The following FXYD7 variants were observed in gnomAD, a reference collection of about 807,000 sequenced individuals.
FXYD7 encodes the protein FXYD domain-containing ion transport regulator 7.
In FXYD7, 7 loss-of-function variants were observed where a neutral mutation model predicts 15.3. The observed-to-expected ratio is 0.46, with a 90% confidence interval of 0.26 to 0.86. FXYD7 has a LOEUF of 0.86. Among genes scored for constraint, FXYD7 ranks in the 40% least tolerant of loss-of-function variants. FXYD7 has a pLI of 0.16. For missense variants in FXYD7, 78 were observed against 100.6 expected (o/e 0.78, Z 0.96); for synonymous variants, 39 against 39.3 (o/e 0.99, Z 0.03).
chr19:35,148,587 CA>C (rs2145396830), intron 1 of FXYD7, 106 bp from the exon 2 acceptor site: 1 of 965,664 alleles, frequency 1.0e-6, no homozygotes, highest in East Asian at 2.7e-5. Context: ...CTGACTTCCA[CA>C]AAGAAATGAT....
At chr19:35,153,142 C>T (rs947747032) in intron 5 of FXYD7, among the ~76,000 whole-genome samples, 1 of 146,408 alleles carries the variant, frequency 6.8e-6, no homozygotes, top group African/African-American at 2.5e-5. Flanking sequence ...ACACTGCAAC[C>T]TCTGCGTCCT....
At chr19:35,148,928 G>T in intron 2 of FXYD7, 1 of 700,736 alleles carries the variant, frequency 1.4e-6, no homozygotes, top group East Asian at 2.7e-5. Flanking sequence ...CACTCTCTCT[G>T]AGCCCCCTTC....
At position 35,151,813 on chromosome 19, in the gene FXYD7, C is replaced by A. The variant is rs1207864414; in HGVS notation, c.220+140C>A. On this transcript the variant is annotated intron_variant, in intron 5 of 5. Transcript: ENST00000270310. ...GCCTGCAGATATCACAGGACAATTCCCTAGGAAGCTGAGGAAATTCCGCAG... is the reference window on the plus strand; with the variant it reads ...GCCTGCAGATATCACAGGACAATTCACTAGGAAGCTGAGGAAATTCCGCAG... 4.1e-6 allele frequency: 3 copies of A among 726,374 alleles called. No homozygotes were observed. The African/African-American group carries it at 5.3e-5, about 13-fold the overall frequency. 45.0% of individuals were successfully genotyped at this position (726,374 alleles called of 1,614,324 possible). A position where few individuals can be genotyped will look rare whatever the true frequency, so the allele number is the denominator to read the frequency against.
chr19:35,151,222 C>T (rs975012250), intron 2 of FXYD7, 32 bp from the exon 3 acceptor site: 4 of 1,427,302 alleles, frequency 2.8e-6, no homozygotes, highest in South Asian at 2.3e-5. Context: ...AGGTGCTGTC[C>T]CTGCCTCGAT....
At chr19:35,150,530 G>A (rs543082062) in intron 2 of FXYD7, among the ~76,000 whole-genome samples, 1 of 152,344 alleles carries the variant, frequency 6.6e-6, no homozygotes, top group African/African-American at 2.4e-5. Flanking sequence ...GACAGCCAGA[G>A]GTTTTGCTCA....
rs2065328560 is a variant in FXYD7, at chr19:35,154,034, AC to A, written c.*121del. 1 of 893,094 alleles carries A rather than the reference AC, an allele frequency of 1.1e-6. No homozygotes were observed. The highest frequency in any genetic ancestry group is 1.5e-5 in the South Asian group (1 of 68,400). 55.3% of individuals were successfully genotyped at this position (893,094 alleles called of 1,614,324 possible). ...AGCGCTCCCCGGAATGAGCCGCCCC[AC>A]CCACCCCAAGGCTGGAGCCGCTGCA... On this transcript the variant is annotated 3_prime_UTR_variant, in exon 6 of 6. Coordinates refer to ENST00000270310, the MANE Select transcript of FXYD7 (RefSeq NM_022006.2).
At chr19:35,149,629 G>C (rs2065302553) in intron 2 of FXYD7, 1 of 153,510 alleles carries the variant, frequency 6.5e-6, no homozygotes, top group African/African-American at 2.4e-5. Flanking sequence ...CAAATACTTA[G>C]CGGGCACAGG....
intron 1 of FXYD7, among the ~76,000 whole-genome samples, chr19:35,147,001 A>G (rs2065290965): frequency 6.6e-6 from 1 of 152,194 alleles, no homozygotes; most frequent in Non-Finnish European, 1.5e-5. Flanking sequence ...ATGCTGTGGT[A>G]ACAAATAGTA....
intron 5 of FXYD7, among the ~76,000 whole-genome samples, chr19:35,152,353 A>G (rs1662241204): frequency 6.6e-6 from 1 of 151,756 alleles, no homozygotes; most frequent in Non-Finnish European, 1.5e-5. Flanking sequence ...GAAGGGCCCC[A>G]TGTGGGAGGA....
chr19:35,148,093 AAG>A (rs770163373), intron 1 of FXYD7, among the ~76,000 whole-genome samples: 265 of 124,998 alleles, frequency 2.1e-3, no homozygotes, highest in South Asian at 0.012. Flanking sequence ...GAAAGAAAGA[AAG>A]AGAGAGAGAA....
chr19:35,148,394 T>C (rs536750404), intron 1 of FXYD7, among the ~76,000 whole-genome samples: 2 of 152,202 alleles, frequency 1.3e-5, no homozygotes, highest in South Asian at 2.1e-4. Context: ...AGTCCATAGC[T>C]TGCATCAGAC....
At chr19:35,148,029 A>G (rs548204118) in intron 1 of FXYD7, among the ~76,000 whole-genome samples, 13 of 15,448 alleles carry the variant, frequency 8.4e-4, no homozygotes, top group African/African-American at 2.4e-3. Context: ...GAAAGAAGGA[A>G]AGAAAGAAAG....
rs2065278634 is a variant in FXYD7 at position 35,143,778 on chromosome 19, A to G, written c.31+414A>G. Among the ~76,000 whole-genome samples, 1 of 152,158 alleles carries G rather than the reference A, an allele frequency of 6.6e-6. No individual in the cohort carries two copies. Among genetic ancestry groups the G allele is most frequent in the South Asian group, 2.1e-4 (1 of 4,830 alleles). On this transcript the variant is annotated intron_variant, in intron 1 of 5. Transcript: ENST00000270310. This position sits in a 1 kb window ranked among gnomAD's most constrained non-coding sequence, Gnocchi z 4.3. Reference sequence around the variant, plus strand: ...TGGGCAAGGGAAGGGGAGGAGGTTCATGTCCCTCTTCTTTCCAGTGCTGTC... The same window carrying G: ...TGGGCAAGGGAAGGGGAGGAGGTTCGTGTCCCTCTTCTTTCCAGTGCTGTC...
At chr19:35,145,559 C>T (rs2065286436) in intron 1 of FXYD7, among the ~76,000 whole-genome samples, 1 of 152,178 alleles carries the variant, frequency 6.6e-6, no homozygotes. Flanking sequence ...TCATTCATCC[C>T]AGAAAACTTG....
intron 2 of FXYD7, among the ~76,000 whole-genome samples, chr19:35,150,123 G>A (rs1471481334): frequency 1.3e-5 from 2 of 152,108 alleles, no homozygotes; most frequent in Admixed American, 1.3e-4. Context: ...CACCATGTTG[G>A]CCAGGCTGGT....
chr19:35,151,948 G>A (rs867727935), intron 5 of FXYD7, among the ~76,000 whole-genome samples: 7 of 151,790 alleles, frequency 4.6e-5, no homozygotes, highest in African/African-American at 1.7e-4. Context: ...AGATCAGCCC[G>A]GCCAACATGG....
At chr19:35,153,711 AG>A (rs994137136) in intron 5 of FXYD7, among the ~76,000 whole-genome samples, 182 bp from the exon 6 acceptor site, 7 of 152,096 alleles carry the variant, frequency 4.6e-5, no homozygotes, top group African/African-American at 1.7e-4. Flanking sequence ...AGCAGCCAGG[AG>A]GTGTCCCCAA....
intron 5 of FXYD7, among the ~76,000 whole-genome samples, chr19:35,153,033 CTTTTTTTTTTTTT>C (rs954084904): frequency 1.1e-4 from 5 of 44,142 alleles, no homozygotes; most frequent in Admixed American, 3.4e-4. Context: ...TTTCACGTTC[CTTTTTTTTTTTTT>C]TTTTTTTTTT....
At chr19:35,149,527 T>C (rs1198016495) in intron 2 of FXYD7, 1 of 168,888 alleles carries the variant, frequency 5.9e-6, no homozygotes, top group Non-Finnish European at 1.3e-5. Context: ...GTTTCTTTAA[T>C]GTTTTATCAC....
Sources: gnomAD v4.1 joint callset for allele counts (sites outside exome capture counted in the v4.1 genomes callset) on GRCh38, gnomAD v4.1.1 for gene constraint, Gnocchi (gnomAD v3.1) non-coding constraint, MANE v1.5 for transcripts, NCBI Gene and HGNC (gene_info 2026-07-23, HGNC 2026-07-21) for gene names.